Variants in BMPR1B observed in about 807,000 individuals in gnomAD.
BMPR1B encodes bone morphogenetic protein receptor type 1B.
In BMPR1B, 12 loss-of-function variants were observed where a neutral mutation model predicts 59.1. The ratio of observed to expected loss-of-function variants is 0.20; its 90% CI spans 0.13 to 0.33. The LOEUF is 0.33. Among genes scored for constraint, BMPR1B ranks in the 10% least tolerant of loss-of-function variants. The pLI is 1.00. For synonymous variants in BMPR1B, 237 were observed against 207.3 expected (o/e 1.14, Z -1.23); for missense variants, 550 against 610.9 (o/e 0.90, Z 1.05).
At chr4:94,985,557 GTT>G (rs1553924102) in intron 2 of BMPR1B, among the ~76,000 whole-genome samples, 1 of 132,210 alleles carries the variant, frequency 7.6e-6, no homozygotes, top group African/African-American at 2.9e-5. Flanking sequence ...GTGTGTGTGT[GTT>G]GGCCATTGTC....
chr4:94,775,746 G>T (rs1033818994), intron 1 of BMPR1B, among the ~76,000 whole-genome samples: 9 of 152,198 alleles, frequency 5.9e-5, no homozygotes, highest in African/African-American at 2.2e-4. Flanking sequence ...ATCCAGTTTG[G>T]ATTTGAAAGT....
intron 2 of BMPR1B, among the ~76,000 whole-genome samples, chr4:94,957,663 A>G (rs1730201039): frequency 6.6e-6 from 1 of 152,144 alleles, no homozygotes. Context: ...ATTCATTTTT[A>G]TGTAAGTCTC....
At chr4:94,924,283 G>A (rs1300098701) in intron 2 of BMPR1B, among the ~76,000 whole-genome samples, 1 of 151,918 alleles carries the variant, frequency 6.6e-6, no homozygotes, top group Admixed American at 6.6e-5. Flanking sequence ...AAGTTTCTAA[G>A]CAAAACTTAC....
At chr4:95,149,281 G>T (rs896670871) in intron 11 of BMPR1B, among the ~76,000 whole-genome samples, 3 of 152,048 alleles carry the variant, frequency 2.0e-5, no homozygotes, top group African/African-American at 7.2e-5. Context: ...TCACCTAGCT[G>T]CTGGGCCCCA....
intron 10 of BMPR1B, among the ~76,000 whole-genome samples, chr4:95,132,715 T>C (rs1012345497): frequency 6.6e-6 from 1 of 152,022 alleles, no homozygotes; most frequent in African/African-American, 2.4e-5. Context: ...TCTCCTTCTC[T>C]CACCCTGTTA....
intron 2 of BMPR1B, among the ~76,000 whole-genome samples, chr4:94,892,868 G>T (rs975311198): frequency 7.9e-5 from 12 of 152,040 alleles, no homozygotes; most frequent in Non-Finnish European, 1.3e-4. Context: ...GTATGTGAAT[G>T]TACTATTTCC....
intron 4 of BMPR1B, among the ~76,000 whole-genome samples, chr4:95,105,723 C>A (rs1391758313): frequency 1.3e-5 from 2 of 152,002 alleles, no homozygotes; most frequent in Non-Finnish European, 2.9e-5. Flanking sequence ...AGTAACTTGA[C>A]TCTTGTACTA....
At chr4:94,837,361 T>C (rs1423959465) in intron 1 of BMPR1B, among the ~76,000 whole-genome samples, 8 of 146,440 alleles carry the variant, frequency 5.5e-5, no homozygotes, top group African/African-American at 1.5e-4. Context: ...AGTATGGCCA[T>C]TTTCACGATA....
intron 2 of BMPR1B, among the ~76,000 whole-genome samples, chr4:94,895,272 A>G (rs749483142): frequency 6.6e-6 from 1 of 152,036 alleles, no homozygotes; most frequent in Non-Finnish European, 1.5e-5. Context: ...CACAGAGGTG[A>G]ATAGGCTAAA....
At chr4:94,846,281 T>G (rs1409973863) in intron 1 of BMPR1B, among the ~76,000 whole-genome samples, 5 of 152,182 alleles carry the variant, frequency 3.3e-5, no homozygotes. Context: ...TGAAACAAAA[T>G]TCCTATCTCT....
chr4:94,891,768 G>A (rs943662173), intron 2 of BMPR1B, among the ~76,000 whole-genome samples: 1 of 152,004 alleles, frequency 6.6e-6, no homozygotes, highest in Non-Finnish European at 1.5e-5. Flanking sequence ...TTGATCAAGT[G>A]CCTCAAATTG....
chr4:95,116,241 G>A (rs971350061), intron 6 of BMPR1B, among the ~76,000 whole-genome samples: 2 of 151,722 alleles, frequency 1.3e-5, no homozygotes, highest in South Asian at 2.1e-4. Context: ...TAGTCAAATC[G>A]TATCAATATA....
In BMPR1B at chr4:95,155,638, G is replaced by A. The variant is rs1447652208; in HGVS notation, c.*965G>A. On this transcript the variant is annotated 3_prime_UTR_variant, in exon 13 of 13. Coordinates refer to ENST00000515059, the MANE Select transcript of BMPR1B (RefSeq NM_001203.3). ...GAGGTAATTTGCTCTTGTGTTGTAA[G>A]AGGAACATGTCAACAAAGATAGGAA... 2 of 151,900 alleles carry A rather than the reference G, an allele frequency of 1.3e-5. No homozygotes were observed. Among genetic ancestry groups the A allele is most frequent in the Non-Finnish European group, 2.9e-5 (2 of 67,984 alleles). 9.4% of individuals were successfully genotyped at this position (151,900 alleles called of 1,614,324 possible). A position where few individuals can be genotyped will look rare whatever the true frequency, so the allele number is the denominator to read the frequency against.
rs1579127946 is a variant in BMPR1B at position 95,129,867 on chromosome 4, A to G, written c.591A>G (p.Gln197=). The change falls in exon 9 of 13, where the codon CAA becomes CAG. Residue 197 remains glutamine, a synonymous_variant. Transcript: ENST00000515059. ...TGTGTTTTGGGATTTCACAGGTCCA[A>G]AGGACTATAGCTAAGCAGATTCAGA... ...GSGSGLPLLV[Q]RTIAKQIQMV... is the part of the protein sequence containing the mutation. The G allele has an allele frequency of 3.1e-6, 5 of 1,613,720 alleles. No homozygotes were observed. In the South Asian group the frequency reaches 3.3e-5, roughly 11 times the overall value.
At chr4:94,958,646 G>A (rs1403859459) in intron 2 of BMPR1B, among the ~76,000 whole-genome samples, 1 of 152,166 alleles carries the variant, frequency 6.6e-6, no homozygotes, top group Non-Finnish European at 1.5e-5. Context: ...TACAGATACT[G>A]TCATATTCTG....
intron 10 of BMPR1B, among the ~76,000 whole-genome samples, chr4:95,134,090 T>TC (rs1733589047): frequency 6.6e-6 from 1 of 152,192 alleles, no homozygotes; most frequent in African/African-American, 2.4e-5. Context: ...TTCTCATTGT[T>TC]CAATTCCCAC....
chr4:94,869,134 ACACACACACT>A (rs1475484806), intron 1 of BMPR1B, among the ~76,000 whole-genome samples: 3 of 134,094 alleles, frequency 2.2e-5, no homozygotes, highest in African/African-American at 8.7e-5. Flanking sequence ...ACACACACAC[ACACACACACT>A]TTGCTTTAAA....
At chr4:94,871,091 A>G (rs535992062) in intron 1 of BMPR1B, among the ~76,000 whole-genome samples, 63 of 152,188 alleles carry the variant, frequency 4.1e-4, no homozygotes, top group African/African-American at 7.2e-4. Context: ...CATTATCCCA[A>G]TTTTACAGAT....
intron 3 of BMPR1B, among the ~76,000 whole-genome samples, chr4:95,060,497 C>G (rs2149203460): frequency 6.6e-6 from 1 of 152,268 alleles, no homozygotes; most frequent in South Asian, 2.1e-4. Flanking sequence ...GATAAGGAAT[C>G]TTAATTTAGT....
Sources: gnomAD v4.1 joint callset for allele counts (sites outside exome capture counted in the v4.1 genomes callset) on GRCh38, gnomAD v4.1.1 for gene constraint, MANE v1.5 for transcripts, NCBI Gene and HGNC (gene_info 2026-07-23, HGNC 2026-07-21) for gene names.